The following MTSS1 variants were observed in gnomAD, a reference collection of about 807,000 sequenced individuals.
MTSS1 encodes the protein MTSS I-BAR domain containing 1, also known as protein MTSS 1.
Under a neutral mutation model 79.0 loss-of-function variants are expected in MTSS1, and 18 were observed. That is an observed-to-expected ratio of 0.23 (90% confidence interval 0.16 to 0.34). The LOEUF (loss-of-function observed/expected upper bound fraction) is 0.34. MTSS1 is among the 10% of genes least tolerant of loss of function. The pLI is 1.00. For synonymous variants in MTSS1, 341 were observed against 368.6 expected (o/e 0.93, Z 0.86); for missense variants, 815 against 986.2 (o/e 0.83, Z 2.33).
chr8:124,593,822 C>T (rs777373947), intron 3 of MTSS1, among the ~76,000 whole-genome samples: 1 of 152,262 alleles, frequency 6.6e-6, no homozygotes, highest in Non-Finnish European at 1.5e-5. Flanking sequence ...TGCATTTATC[C>T]CCTCAGGTAT....
At chr8:124,592,151 G>A (rs1206855815) in intron 3 of MTSS1, among the ~76,000 whole-genome samples, 1 of 152,138 alleles carries the variant, frequency 6.6e-6, no homozygotes, top group Non-Finnish European at 1.5e-5. Context: ...AATAATGAAG[G>A]AAGTTGCAGC....
chr8:124,600,239 C>A (rs1833556708), intron 3 of MTSS1, among the ~76,000 whole-genome samples: 1 of 150,524 alleles, frequency 6.6e-6, no homozygotes, highest in Non-Finnish European at 1.5e-5. Flanking sequence ...AATTCGATGG[C>A]ATTTTTTTTT....
intron 8 of MTSS1, 69 bp from the exon 9 acceptor site, chr8:124,565,828 ATCCACC>A: frequency 7.6e-7 from 1 of 1,313,898 alleles, no homozygotes; most frequent in Non-Finnish European, 1.1e-6. Context: ...AAAGCTTAAC[ATCCACC>A]AAAGCATCAA....
At chr8:124,638,705 T>C (rs1429767184) in intron 3 of MTSS1, among the ~76,000 whole-genome samples, 1 of 152,170 alleles carries the variant, frequency 6.6e-6, no homozygotes, top group Non-Finnish European at 1.5e-5. Context: ...TTTAATAACC[T>C]AGGGGTCTTC....
chr8:124,560,959 C>T (rs1030327135), intron 10 of MTSS1, among the ~76,000 whole-genome samples: 3 of 152,126 alleles, frequency 2.0e-5, no homozygotes, highest in African/African-American at 4.8e-5. Context: ...AGATGTATGC[C>T]CCCTTTCTCC....
chr8:124,685,645 T>C (rs1826840522), intron 3 of MTSS1, among the ~76,000 whole-genome samples: 1 of 151,918 alleles, frequency 6.6e-6, no homozygotes. Context: ...ACCTGGGGCA[T>C]GTACTGGGGA....
chr8:124,658,618 C>A lies in MTSS1; in HGVS notation c.208+40908G>T, dbSNP rs887596770. 4.8e-4 allele frequency among the ~76,000 whole-genome samples: 73 copies of A among 152,124 alleles called. 3 individuals are homozygous for A. Among genetic ancestry groups the A allele is most frequent in the Admixed American group, 6.5e-5 (1 of 15,268 alleles). Reference sequence around the variant, plus strand: ...GGTCTCAGGGAATGTTTACTCATGGCAGAATGCAAAGAGGGAGCTAGGAGC... The same window carrying A: ...GGTCTCAGGGAATGTTTACTCATGGAAGAATGCAAAGAGGGAGCTAGGAGC... On this transcript the variant is annotated intron_variant, in intron 3 of 13. Coordinates refer to ENST00000518547, the MANE Select transcript of MTSS1 (RefSeq NM_014751.6).
chr8:124,555,895 C>G lies in MTSS1; in HGVS notation c.1414G>C (p.Glu472Gln), dbSNP rs140083354. The change falls in exon 13 of 14, where the codon GAG (glutamate) becomes CAG (glutamine). Residue 472 changes from glutamate (E) to glutamine (Q), a missense_variant. This residue lies in a region of MTSS1 where 590 missense variants were observed against 620.8 expected (regional missense o/e 0.95). Coordinates refer to ENST00000518547, the MANE Select transcript of MTSS1 (RefSeq NM_014751.6). Reference sequence around the variant, plus strand: ...GCCAGCTCCTCACAAGCCTCCATCTCCTCACCAGGCTGCAGGTTGGAGGAG... The same window carrying G: ...GCCAGCTCCTCACAAGCCTCCATCTGCTCACCAGGCTGCAGGTTGGAGGAG... The part of the protein sequence containing the change: ...TVSAATRPGE[E>Q]MEACEELALA... 47 of 1,607,794 alleles carry G rather than the reference C, an allele frequency of 2.9e-5. No homozygotes were observed. Among genetic ancestry groups the G allele is most frequent in the Non-Finnish European group, 3.9e-5 (46 of 1,179,928 alleles).
chr8:124,581,454 A>ATTTTTT (rs36050957), intron 6 of MTSS1, among the ~76,000 whole-genome samples: 1 of 138,090 alleles, frequency 7.2e-6, no homozygotes. Flanking sequence ...CTTTACCAGA[A>ATTTTTT]TTTTTTTATT....
chr8:124,622,980 A>G (rs1479867146), intron 3 of MTSS1, among the ~76,000 whole-genome samples: 1 of 152,206 alleles, frequency 6.6e-6, no homozygotes, highest in Non-Finnish European at 1.5e-5. Flanking sequence ...GTCAGAGCAC[A>G]GACGAGCCCA....
intron 1 of MTSS1, among the ~76,000 whole-genome samples, chr8:124,705,007 CA>C (rs1310637911): frequency 6.6e-6 from 1 of 152,154 alleles, no homozygotes; most frequent in African/African-American, 2.4e-5. Context: ...CTCAAATCTG[CA>C]GGTGCAAGTC....
chr8:124,660,086 T>C (rs73343979), intron 3 of MTSS1, among the ~76,000 whole-genome samples: 3,258 of 152,200 alleles, frequency 0.021, 113 homozygotes, highest in African/African-American at 0.074. Context: ...ATGGCCACTC[T>C]GAGTAGATCT....
At chr8:124,704,492 T>G (rs1830132622) in intron 1 of MTSS1, among the ~76,000 whole-genome samples, 1 of 152,194 alleles carries the variant, frequency 6.6e-6, no homozygotes, top group African/African-American at 2.4e-5. Context: ...GTACAGAACA[T>G]TTAAAGCTCC....
chr8:124,714,925 T>C (rs1831709118), intron 1 of MTSS1, among the ~76,000 whole-genome samples: 1 of 152,216 alleles, frequency 6.6e-6, no homozygotes, highest in South Asian at 2.1e-4. Context: ...CCCAGAATAA[T>C]ACATATCTAC....
chr8:124,553,827 A>G lies in MTSS1; in HGVS notation c.1568-135T>C, dbSNP rs1823004080. 4 of 771,014 alleles carry G rather than the reference A, an allele frequency of 5.2e-6. No individual in the cohort carries two copies. The highest frequency in any genetic ancestry group is 8.1e-6 in the Non-Finnish European group (4 of 494,314). 47.8% of individuals were successfully genotyped at this position (771,014 alleles called of 1,614,324 possible). A position where few individuals can be genotyped will look rare whatever the true frequency, so the allele number is the denominator to read the frequency against. On this transcript the variant is annotated intron_variant, in intron 13 of 13. Transcript: ENST00000518547. The surrounding 1 kb of genome is among the most constrained non-coding windows in gnomAD (Gnocchi z 6.0). ...TCCCAAGCTTCCCCCAGGCTTCTCT[A>G]CCATCTTCAGAAAGCCTCACCAACT...
chr8:124,701,381 A>G (rs916744768), intron 2 of MTSS1, among the ~76,000 whole-genome samples: 2 of 152,244 alleles, frequency 1.3e-5, no homozygotes, highest in Admixed American at 6.5e-5. Context: ...CTTACAGCCA[A>G]ACTTCAAAAT....
chr8:124,566,325 A>C (rs1308702033), intron 8 of MTSS1: 3 of 152,822 alleles, frequency 2.0e-5, no homozygotes, highest in Non-Finnish European at 4.4e-5. Flanking sequence ...TTCACATAAG[A>C]AGCACTCAGT....
chr8:124,566,813 T>G (rs569442847), intron 8 of MTSS1, among the ~76,000 whole-genome samples: 2 of 152,308 alleles, frequency 1.3e-5, no homozygotes, highest in African/African-American at 4.8e-5. Flanking sequence ...TCAGTGCCTC[T>G]GCATCATTCT....
chr8:124,579,914 T>C (rs1001569797), intron 6 of MTSS1: 6 of 152,436 alleles, frequency 3.9e-5, no homozygotes, highest in African/African-American at 1.4e-4. Context: ...TTTGGCAGCA[T>C]GATCATCCAC....
Sources: gnomAD v4.1 joint callset for allele counts (sites outside exome capture counted in the v4.1 genomes callset) on GRCh38, gnomAD v4.1.1 for gene constraint, gnomAD v4.1.1 regional missense constraint, Gnocchi (gnomAD v3.1) non-coding constraint, MANE v1.5 for transcripts, NCBI Gene and HGNC (gene_info 2026-07-23, HGNC 2026-07-21) for gene names.